DENND1A: variants seen among roughly 807,000 people sequenced by gnomAD.
DENND1A encodes DENN domain-containing protein 1A.
In DENND1A, 51 loss-of-function variants were observed where a neutral mutation model predicts 113.7. The observed-to-expected ratio is 0.45, with a 90% CI of 0.36 to 0.57. The LOEUF (loss-of-function observed/expected upper bound fraction) is 0.57, where lower values mean the gene tolerates loss of function less well. DENND1A is among the 20% of genes least tolerant of loss of function. The pLI is 0.00. For synonymous variants in DENND1A, 565 were observed against 570.8 expected (o/e 0.99, Z 0.14); for missense variants, 1,258 against 1,395.9 (o/e 0.90, Z 1.57).
intron 15 of DENND1A, among the ~76,000 whole-genome samples, chr9:123,455,081 C>T (rs1310753045): frequency 6.6e-6 from 1 of 152,180 alleles, no homozygotes; most frequent in African/African-American, 2.4e-5. Context: ...CTTGGCCTCC[C>T]AAAGTGCTGG....
At chr9:123,421,074 A>G (rs2045256032) in intron 19 of DENND1A, among the ~76,000 whole-genome samples, 1 of 144,966 alleles carries the variant, frequency 6.9e-6, no homozygotes, top group African/African-American at 2.6e-5. Context: ...GCTGGGATGC[A>G]TCTAGGATGC....
chr9:123,512,261 G>A (rs1361006076), intron 13 of DENND1A, among the ~76,000 whole-genome samples: 2 of 152,222 alleles, frequency 1.3e-5, no homozygotes, highest in African/African-American at 2.4e-5. Context: ...TGAAGAGGCC[G>A]GGGAATAAAG....
intron 3 of DENND1A, among the ~76,000 whole-genome samples, chr9:123,788,663 T>C (rs1832554700): frequency 6.6e-6 from 1 of 152,112 alleles, no homozygotes; most frequent in Admixed American, 6.6e-5. Context: ...AGAAACCAAT[T>C]TCTAGAAATG....
intron 10 of DENND1A, among the ~76,000 whole-genome samples, chr9:123,617,303 G>C (rs962342204): frequency 2.6e-5 from 4 of 152,178 alleles, no homozygotes; most frequent in African/African-American, 4.8e-5. Context: ...TTGTGGTTTC[G>C]ACAGCAAGAG....
At chr9:123,837,671 T>C (rs1199742048) in intron 2 of DENND1A, among the ~76,000 whole-genome samples, 1 of 152,156 alleles carries the variant, frequency 6.6e-6, no homozygotes, top group Non-Finnish European at 1.5e-5. Context: ...CCTGACTCTA[T>C]CATGGCAATC....
intron 10 of DENND1A, among the ~76,000 whole-genome samples, chr9:123,610,265 C>T (rs2060355842): frequency 6.6e-6 from 1 of 152,116 alleles, no homozygotes; most frequent in African/African-American, 2.4e-5. Flanking sequence ...TTTATGTTAC[C>T]TACCAATAAC....
chr9:123,387,603 G>C lies in DENND1A; in HGVS notation c.1760+127C>G, dbSNP rs375001456. The C allele has an allele frequency of 1.0e-5, 11 of 1,102,186 alleles. No individual in the cohort carries two copies. The African/African-American group carries it at 1.8e-4, about 18-fold the overall frequency. 68.3% of individuals were successfully genotyped at this position (1,102,186 alleles called of 1,614,324 possible). On this transcript the variant is annotated intron_variant, in intron 22 of 23. Transcript: ENST00000394215. Reference sequence around the variant, plus strand: ...CCTGCATGTTGGCACTGGGGCACCGGCAGGCAGCAGCTCCAGACACCCTCC... The same window carrying C: ...CCTGCATGTTGGCACTGGGGCACCGCCAGGCAGCAGCTCCAGACACCCTCC...
intron 2 of DENND1A, among the ~76,000 whole-genome samples, chr9:123,809,124 C>A (rs551627415): frequency 3.3e-5 from 5 of 152,168 alleles, no homozygotes; most frequent in Admixed American, 1.3e-4. Flanking sequence ...CTAGAAGGAA[C>A]GGCACGATGG....
At chr9:123,708,774 A>C (rs1206660829) in intron 5 of DENND1A, among the ~76,000 whole-genome samples, 6 of 152,180 alleles carry the variant, frequency 3.9e-5, no homozygotes, top group African/African-American at 1.4e-4. Context: ...AAAACAAAAA[A>C]AGAAAAGACT....
intron 13 of DENND1A, among the ~76,000 whole-genome samples, chr9:123,464,431 T>C (rs570145924): frequency 2.6e-5 from 4 of 152,310 alleles, no homozygotes; most frequent in South Asian, 4.1e-4. Flanking sequence ...TGATACATGC[T>C]GTAACATAAA....
At chr9:123,811,699 C>T (rs1184087891) in intron 2 of DENND1A, among the ~76,000 whole-genome samples, 1 of 152,180 alleles carries the variant, frequency 6.6e-6, no homozygotes, top group Non-Finnish European at 1.5e-5. Flanking sequence ...GCGGAGCTTG[C>T]AGTGAGCGGA....
chr9:123,519,304 G>T (rs1299896374), intron 13 of DENND1A, among the ~76,000 whole-genome samples: 1 of 152,136 alleles, frequency 6.6e-6, no homozygotes, highest in Non-Finnish European at 1.5e-5. Context: ...ACTATTGTTG[G>T]CTGCCCACCC....
At chr9:123,924,159 C>T (rs901495640) in intron 1 of DENND1A, among the ~76,000 whole-genome samples, 5 of 152,220 alleles carry the variant, frequency 3.3e-5, no homozygotes, top group East Asian at 1.9e-4. Context: ...AAAGAAGCCA[C>T]GCAGGACGGG....
At chr9:123,870,887 A>G (rs1327782204) in intron 2 of DENND1A, among the ~76,000 whole-genome samples, 1 of 152,182 alleles carries the variant, frequency 6.6e-6, no homozygotes, top group Non-Finnish European at 1.5e-5. Flanking sequence ...TGCCTGGGGC[A>G]TAATAAGGAC....
intron 10 of DENND1A, among the ~76,000 whole-genome samples, chr9:123,617,006 T>C (rs984777328): frequency 5.9e-5 from 9 of 152,236 alleles, no homozygotes; most frequent in Non-Finnish European, 1.0e-4. Context: ...ATTTCATCTC[T>C]GCAGCAATCT....
At chr9:123,871,162 C>A (rs1187125076) in intron 2 of DENND1A, among the ~76,000 whole-genome samples, 1 of 152,114 alleles carries the variant, frequency 6.6e-6, no homozygotes, top group African/African-American at 2.4e-5. Flanking sequence ...TGGTTCACTG[C>A]AACATCTACC....
intron 11 of DENND1A, among the ~76,000 whole-genome samples, chr9:123,601,582 G>A (rs556613351): frequency 1.4e-4 from 22 of 152,232 alleles, no homozygotes; most frequent in Non-Finnish European, 2.2e-4. Context: ...CCAAGCCACC[G>A]TTCAATTACC....
chr9:123,814,109 T>A (rs1023222716), intron 2 of DENND1A, among the ~76,000 whole-genome samples: 3 of 152,192 alleles, frequency 2.0e-5, no homozygotes, highest in African/African-American at 7.2e-5. Flanking sequence ...CCAGCTAAAT[T>A]TGAATTCTTT....
At position 123,611,754 on chromosome 9, in the gene DENND1A, T is replaced by C. The variant is rs368644097; in HGVS notation, c.720-2273A>G. ...AGACATTCAAACGGTTGAAAATAAATATGTATAGCAAAACCCCTCTGTATA... is the reference window on the plus strand; with the variant it reads ...AGACATTCAAACGGTTGAAAATAAACATGTATAGCAAAACCCCTCTGTATA... On this transcript the variant is annotated intron_variant, in intron 10 of 23. Transcript: ENST00000394215. Among the ~76,000 whole-genome samples the C allele has an allele frequency of 2.1e-4, 32 of 152,226 alleles. 1 individual carries two copies. In the East Asian group the frequency reaches 5.4e-3, roughly 26 times the overall value.
Sources: allele counts gnomAD v4.1 joint callset (sites outside exome capture counted in the v4.1 genomes callset), GRCh38; gene constraint gnomAD v4.1.1; transcripts MANE v1.5; gene names NCBI Gene and HGNC (gene_info 2026-07-23, HGNC 2026-07-21).